The following ERBB4 variants were observed in gnomAD, a reference collection of about 807,000 sequenced individuals.
ERBB4 encodes the protein erb-b2 receptor tyrosine kinase 4.
A neutral mutation model predicts 158.0 loss-of-function variants in ERBB4; 42 were observed. The ratio of observed to expected loss-of-function variants is 0.27; its 90% confidence interval spans 0.21 to 0.34. The LOEUF is 0.34. Among genes scored for constraint, ERBB4 ranks in the 10% least tolerant of loss-of-function variants. The probability of loss-of-function intolerance (pLI) is 1.00; values close to 1 mark genes in which losing one functional copy is unlikely to be tolerated. For synonymous variants in ERBB4, 583 were observed against 558.7 expected, an observed-to-expected ratio of 1.04 and a Z score of -0.61; for missense variants, 1,333 against 1,624.1, an observed-to-expected ratio of 0.82 and a Z score of 3.08.
intron 1 of ERBB4, among the ~76,000 whole-genome samples, chr2:212,363,579 T>C (rs2089774128): frequency 6.6e-6 from 1 of 151,318 alleles, no homozygotes; most frequent in African/African-American, 2.4e-5. Flanking sequence ...CAGATATCTA[T>C]GAAAAAGACA....
intron 1 of ERBB4, among the ~76,000 whole-genome samples, chr2:212,179,526 A>T (rs1467409838): frequency 6.6e-6 from 1 of 151,510 alleles, no homozygotes; most frequent in Non-Finnish European, 1.5e-5. Context: ...AGCTATATTA[A>T]CACGGAGTAG....
intron 1 of ERBB4, among the ~76,000 whole-genome samples, chr2:212,176,589 G>A (rs2081670457): frequency 6.6e-6 from 1 of 151,962 alleles, no homozygotes; most frequent in African/African-American, 2.4e-5. Flanking sequence ...ATAGCAGCCT[G>A]AGCAGATTAA....
At chr2:212,008,786 T>C (rs975947282) in intron 2 of ERBB4, among the ~76,000 whole-genome samples, 1 of 152,130 alleles carries the variant, frequency 6.6e-6, no homozygotes, top group African/African-American at 2.4e-5. Context: ...ATAGAATCTT[T>C]TCCTAAGAGA....
intron 2 of ERBB4, among the ~76,000 whole-genome samples, chr2:211,994,697 A>G (rs1035226610): frequency 2.6e-5 from 4 of 152,186 alleles, no homozygotes; most frequent in African/African-American, 9.7e-5. Context: ...TATCTTCTAG[A>G]CGTGAGTTGT....
chr2:212,447,648 G>C (rs2092381929), intron 1 of ERBB4, among the ~76,000 whole-genome samples: 1 of 152,108 alleles, frequency 6.6e-6, no homozygotes. Flanking sequence ...AGAGGTTTAA[G>C]AATTACAGAA....
chr2:211,668,909 AT>A, intron 14 of ERBB4, among the ~76,000 whole-genome samples: 1 of 152,116 alleles, frequency 6.6e-6, no homozygotes, highest in South Asian at 2.1e-4. Flanking sequence ...GCCTTAGAAC[AT>A]TTCCCAGATT....
intron 1 of ERBB4, among the ~76,000 whole-genome samples, chr2:212,225,406 C>A (rs921649190): frequency 1.3e-5 from 2 of 152,000 alleles, no homozygotes; most frequent in African/African-American, 4.8e-5. Context: ...AATAAATTTT[C>A]TGGCTAGAAT....
intron 1 of ERBB4, among the ~76,000 whole-genome samples, chr2:212,446,813 G>A (rs1245359408): frequency 6.7e-6 from 1 of 149,474 alleles, no homozygotes; most frequent in African/African-American, 2.5e-5. Flanking sequence ...AATTTAATTA[G>A]GTAAAGCTGA....
intron 4 of ERBB4, among the ~76,000 whole-genome samples, chr2:211,774,782 G>T (rs1413300061): frequency 6.6e-5 from 10 of 152,052 alleles, no homozygotes; most frequent in African/African-American, 2.4e-4. Flanking sequence ...AAATAACAGG[G>T]TGCTTATTAT....
intron 1 of ERBB4, among the ~76,000 whole-genome samples, chr2:212,401,612 T>C (rs1013196569): frequency 1.3e-5 from 2 of 152,190 alleles, no homozygotes; most frequent in Admixed American, 1.3e-4. Context: ...GCTTATGAAG[T>C]ATTTATAATA....
intron 1 of ERBB4, among the ~76,000 whole-genome samples, chr2:212,175,799 C>A (rs1419314387): frequency 2.0e-5 from 3 of 151,798 alleles, no homozygotes; most frequent in Non-Finnish European, 4.4e-5. Flanking sequence ...TTGTTAAAGC[C>A]TTTCTGGCAG....
intron 3 of ERBB4, among the ~76,000 whole-genome samples, chr2:211,923,814 C>A (rs1050665794): frequency 7.9e-5 from 12 of 152,126 alleles, no homozygotes; most frequent in Non-Finnish European, 1.5e-5. Context: ...CCTCCACCTC[C>A]TGGGTTCAAG....
At chr2:212,370,155 T>C (rs2090036947) in intron 1 of ERBB4, among the ~76,000 whole-genome samples, 1 of 152,082 alleles carries the variant, frequency 6.6e-6, no homozygotes, top group Non-Finnish European at 1.5e-5. Flanking sequence ...GTTTCCTCCA[T>C]GCTGTTCTCA....
chr2:211,834,751 A>C (rs534420121), intron 3 of ERBB4, among the ~76,000 whole-genome samples: 2 of 152,214 alleles, frequency 1.3e-5, no homozygotes, highest in South Asian at 4.1e-4. Context: ...TGAATCTCAC[A>C]AAGTGAAATT....
rs193002319 is a variant in ERBB4 at position 211,901,477 on chromosome 2, G to A, written c.421+45953C>T. Among the ~76,000 whole-genome samples, 14 of 152,142 alleles carry A rather than the reference G, an allele frequency of 9.2e-5. No homozygotes were observed. In the South Asian group the frequency reaches 1.2e-3, roughly 14 times the overall value. Reference sequence around the variant, plus strand: ...GCCCACGGAGATAACCTGAAGGAGCGCTCCAAATGTCCTTCTGCAAGCATT... The same window carrying A: ...GCCCACGGAGATAACCTGAAGGAGCACTCCAAATGTCCTTCTGCAAGCATT... On this transcript the variant is annotated intron_variant, in intron 3 of 27. Transcript: ENST00000342788.
intron 1 of ERBB4, among the ~76,000 whole-genome samples, chr2:212,300,527 T>A (rs193208031): frequency 4.0e-5 from 6 of 151,646 alleles, no homozygotes; most frequent in African/African-American, 1.4e-4. Flanking sequence ...ATTAGCTTTT[T>A]AAAATATCCC....
chr2:212,362,592 T>A (rs2089729135), intron 1 of ERBB4, among the ~76,000 whole-genome samples: 1 of 150,924 alleles, frequency 6.6e-6, no homozygotes, highest in South Asian at 2.1e-4. Context: ...ATCCAAAGAA[T>A]GCTATTTCTC....
intron 20 of ERBB4, among the ~76,000 whole-genome samples, chr2:211,507,904 A>G (rs1407497312): frequency 6.6e-6 from 1 of 152,166 alleles, no homozygotes; most frequent in Non-Finnish European, 1.5e-5. Flanking sequence ...TATTTAATAA[A>G]AGGTTCTGGG....
At chr2:212,002,687 G>T (rs2076134163) in intron 2 of ERBB4, among the ~76,000 whole-genome samples, 1 of 152,094 alleles carries the variant, frequency 6.6e-6, no homozygotes, top group South Asian at 2.1e-4. Flanking sequence ...TAATATTGAG[G>T]AGAGTCAAGA....
Sources: gnomAD v4.1 joint callset for allele counts (sites outside exome capture counted in the v4.1 genomes callset) on GRCh38, gnomAD v4.1.1 for gene constraint, MANE v1.5 for transcripts, NCBI Gene and HGNC (gene_info 2026-07-23, HGNC 2026-07-21) for gene names.